PRSS38: variants seen among roughly 807,000 people sequenced by gnomAD.
PRSS38 encodes the protein serine protease 38.
In PRSS38, 22 loss-of-function variants were observed where a neutral mutation model predicts 26.8. The observed-to-expected ratio is 0.82, with a 90% confidence interval of 0.59 to 1.17. The LOEUF (loss-of-function observed/expected upper bound fraction) is 1.17, where lower values mean the gene tolerates loss of function less well. Ranked by LOEUF, PRSS38 falls within the 50% of genes most tolerant of loss-of-function variation. The probability of loss-of-function intolerance (pLI) is 0.00; values close to 1 mark genes in which losing one functional copy is unlikely to be tolerated. For synonymous variants in PRSS38, 175 were observed against 172.1 expected (o/e 1.02, Z -0.13); for missense variants, 427 against 422.7 (o/e 1.01, Z -0.09).
chr1:227,828,851 G>A (rs1423657346), intron 3 of PRSS38, among the ~76,000 whole-genome samples: 1 of 152,144 alleles, frequency 6.6e-6, no homozygotes, highest in Non-Finnish European at 1.5e-5. Context: ...GTGCCTGAGT[G>A]GCTACTCTGT....
intron 3 of PRSS38, among the ~76,000 whole-genome samples, chr1:227,819,283 G>T (rs1403478857): frequency 6.6e-6 from 1 of 152,070 alleles, no homozygotes; most frequent in Non-Finnish European, 1.5e-5. Context: ...CTCTAAGTTT[G>T]CTTAACCAAA....
intron 3 of PRSS38, among the ~76,000 whole-genome samples, chr1:227,829,920 A>C (rs1381033984): frequency 6.6e-6 from 1 of 152,212 alleles, no homozygotes; most frequent in Non-Finnish European, 1.5e-5. Context: ...ACCATCAAGA[A>C]TGATGTGAGC....
At chr1:227,845,010 G>A (rs995806943) in intron 3 of PRSS38, among the ~76,000 whole-genome samples, 9 of 147,616 alleles carry the variant, frequency 6.1e-5, no homozygotes, top group African/African-American at 2.3e-4. Context: ...TATGTGTGGT[G>A]GGGCTGCTCT....
upstream of PRSS38, chr1:227,815,684 T>C: frequency 6.5e-7 from 1 of 1,544,244 alleles, no homozygotes; most frequent in South Asian, 1.2e-5. Context: ...TGTCGGGAGC[T>C]AGTCACCCGC....
chr1:227,829,508 T>C (rs2102678766), intron 3 of PRSS38, among the ~76,000 whole-genome samples: 1 of 152,340 alleles, frequency 6.6e-6, no homozygotes, highest in Middle Eastern at 3.4e-3. Context: ...CTCTTGCTCA[T>C]GGGCCTTAGG....
chr1:227,826,034 G>A (rs1665068821), intron 3 of PRSS38, among the ~76,000 whole-genome samples: 1 of 152,150 alleles, frequency 6.6e-6, no homozygotes, highest in South Asian at 2.1e-4. Context: ...TTCTCCGTTT[G>A]TTTGTGTCCC....
intron 3 of PRSS38, among the ~76,000 whole-genome samples, chr1:227,821,404 T>G (rs1436737024): frequency 6.6e-6 from 1 of 152,196 alleles, no homozygotes; most frequent in Non-Finnish European, 1.5e-5. Flanking sequence ...GTTTTTATAT[T>G]TGCCCGTGCA....
chr1:227,822,122 C>A (rs1665011997), intron 3 of PRSS38, among the ~76,000 whole-genome samples: 2 of 152,054 alleles, frequency 1.3e-5, no homozygotes. Flanking sequence ...TGCTTTGCCC[C>A]TTTAGTGAAG....
Position 227,816,593 on chromosome 1 carries a change from C to A in PRSS38, c.311+341C>A, listed in dbSNP as rs902413380. On this transcript the variant is annotated intron_variant, in intron 2 of 4. Coordinates refer to ENST00000366757, the Ensembl canonical transcript of PRSS38. This position sits in a 1 kb window ranked among gnomAD's most constrained non-coding sequence, Gnocchi z 5.1. ...GGTCCTCAAATGCACAGCCTGGTCC[C>A]CATGTGCAAGGCTGGTCCCCTAAGT... Among the ~76,000 whole-genome samples, 2 of 151,946 alleles carry A rather than the reference C, an allele frequency of 1.3e-5. No individual in the cohort carries two copies. The highest frequency in any genetic ancestry group is 2.1e-4 in the South Asian group (1 of 4,806).
At chr1:227,839,059 C>T (rs770159536) in intron 3 of PRSS38, among the ~76,000 whole-genome samples, 2 of 152,150 alleles carry the variant, frequency 1.3e-5, no homozygotes, top group Non-Finnish European at 2.9e-5. Flanking sequence ...AACGTGGATA[C>T]ATTCAGGTTC....
At chr1:227,820,903 T>C (rs909674360) in intron 3 of PRSS38, among the ~76,000 whole-genome samples, 2 of 152,228 alleles carry the variant, frequency 1.3e-5, no homozygotes, top group African/African-American at 2.4e-5. Flanking sequence ...TTACTTGTTA[T>C]AGATCTTTTC....
intron 3 of PRSS38, among the ~76,000 whole-genome samples, chr1:227,821,825 A>G (rs1665007921): frequency 1.3e-5 from 2 of 152,254 alleles, no homozygotes; most frequent in East Asian, 3.9e-4. Context: ...ATTTGAGTTT[A>G]TAATACTTGA....
chr1:227,820,861 G>C (rs1022922038), intron 3 of PRSS38, among the ~76,000 whole-genome samples: 1 of 152,006 alleles, frequency 6.6e-6, no homozygotes, highest in Non-Finnish European at 1.5e-5. Context: ...ACTTTTCTTT[G>C]TTGGGAGATT....
Position 227,815,944 on chromosome 1 carries a change from A to C in PRSS38, c.148+80A>C, listed in dbSNP as rs1341634377. On this transcript the variant is annotated intron_variant, in intron 1 of 4. Coordinates refer to ENST00000366757, the Ensembl canonical transcript of PRSS38. ...CTGTCGGTGCTGGGCCTCCTCCCCCATGTCGCCTGCCCATCCCTTCCCCTC... is the reference window on the plus strand; with the variant it reads ...CTGTCGGTGCTGGGCCTCCTCCCCCCTGTCGCCTGCCCATCCCTTCCCCTC... 9.2e-6 allele frequency: 14 copies of C among 1,517,504 alleles called. No individual in the cohort carries two copies. In the Admixed American group the frequency reaches 2.7e-4, roughly 29 times the overall value. The allele number at this position is 1,517,504 out of a possible 1,614,324, so 94.0% of individuals were successfully genotyped here.
At chr1:227,841,360 G>A (rs552047887) in intron 3 of PRSS38, among the ~76,000 whole-genome samples, 1 of 152,206 alleles carries the variant, frequency 6.6e-6, no homozygotes, top group Non-Finnish European at 1.5e-5. Context: ...CCACGTCCGT[G>A]GCAAAATTCA....
chr1:227,822,676 T>A (rs1271771432), intron 3 of PRSS38, among the ~76,000 whole-genome samples: 1 of 152,228 alleles, frequency 6.6e-6, no homozygotes, highest in East Asian at 1.9e-4. Flanking sequence ...AGTATTTTCT[T>A]GAATGCCAGG....
intron 3 of PRSS38, among the ~76,000 whole-genome samples, chr1:227,821,804 T>C (rs1460536831): frequency 6.6e-6 from 1 of 152,192 alleles, no homozygotes; most frequent in African/African-American, 2.4e-5. Context: ...TAATGTGTCT[T>C]GTTGGGGGTT....
At position 227,829,741 on chromosome 1, in the gene PRSS38, A is replaced by G. The variant is rs552084137; in HGVS notation, c.583+12261A>G. 9.2e-5 allele frequency among the ~76,000 whole-genome samples: 14 copies of G among 152,182 alleles called. No individual in the cohort carries two copies. The South Asian group carries it at 2.9e-3, about 32-fold the overall frequency. On this transcript the variant is annotated intron_variant, in intron 3 of 4. Transcript: ENST00000366757. ...TTCACTGTGAGTTTTTTCATATATT[A>G]TGTTGTTTGTGAGCAAAGACAGTCT...
At chr1:227,846,321 C>T in exon 5 of PRSS38, 4 of 1,359,592 alleles carry the variant, frequency 2.9e-6, no homozygotes, top group South Asian at 1.4e-5. Context: ...ACAAGGGCCA[C>T]CTATCCCGGG....
Sources: allele counts gnomAD v4.1 joint callset (sites outside exome capture counted in the v4.1 genomes callset), GRCh38; gene constraint gnomAD v4.1.1; non-coding constraint Gnocchi (gnomAD v3.1); transcripts MANE v1.5; gene names NCBI Gene and HGNC (gene_info 2026-07-23, HGNC 2026-07-21).